Variants in ZNF385D observed in about 807,000 individuals in gnomAD.
ZNF385D encodes zinc finger protein 385D.
A neutral mutation model predicts 35.8 loss-of-function variants in ZNF385D; 15 were observed. The ratio of observed to expected loss-of-function variants is 0.42; its 90% CI spans 0.28 to 0.64. ZNF385D has a LOEUF of 0.64. Among genes scored for constraint, ZNF385D ranks in the 30% least tolerant of loss-of-function variants. The pLI is 0.23. For synonymous variants in ZNF385D, 212 were observed against 186.8 expected, an observed-to-expected ratio of 1.13 and a Z score of -1.10; for missense variants, 474 against 494.6, an observed-to-expected ratio of 0.96 and a Z score of 0.39.
intron 3 of ZNF385D, among the ~76,000 whole-genome samples, chr3:21,894,371 T>C (rs1051507056): frequency 1.3e-5 from 2 of 152,172 alleles, no homozygotes; most frequent in Non-Finnish European, 2.9e-5. Flanking sequence ...AAATATTATA[T>C]TGGCATAAAT....
At chr3:21,930,091 A>G (rs1369035566) in intron 3 of ZNF385D, among the ~76,000 whole-genome samples, 1 of 152,082 alleles carries the variant, frequency 6.6e-6, no homozygotes, top group African/African-American at 2.4e-5. Context: ...ATATAAGGGC[A>G]TATGTGCAGA....
Position 21,956,664 on chromosome 3 carries a change from G to A in ZNF385D, c.325+212153C>T, listed in dbSNP as rs369259377. 1.8e-3 allele frequency among the ~76,000 whole-genome samples: 276 copies of A among 151,800 alleles called. 1 individual carries two copies. The highest frequency in any genetic ancestry group is 0.01 in the Middle Eastern group (3 of 294). On this transcript the variant is annotated intron_variant, in intron 3 of 5. Coordinates refer to the ZNF385D transcript ENST00000494108. The stretch of plus-strand genomic sequence containing the variant: ...CTGCCTTTAGGAACACTTATGCAAT[G>A]GTAAAAAGTGATAAATGATTTTCGT...
intron 3 of ZNF385D, among the ~76,000 whole-genome samples, chr3:22,162,254 CTTTGGCATAT>C (rs1221673735): frequency 3.9e-5 from 6 of 152,104 alleles, no homozygotes; most frequent in Admixed American, 6.6e-5. Context: ...AAATATATTT[CTTTGGCATAT>C]TTTAAGATGC....
At chr3:21,811,776 C>G (rs2072930750) in intron 3 of ZNF385D, among the ~76,000 whole-genome samples, 1 of 152,118 alleles carries the variant, frequency 6.6e-6, no homozygotes, top group East Asian at 1.9e-4. Context: ...AGGAGAACAG[C>G]ACCATTTTGC....
At chr3:21,913,583 T>C (rs1349340716) in intron 3 of ZNF385D, among the ~76,000 whole-genome samples, 1 of 152,112 alleles carries the variant, frequency 6.6e-6, no homozygotes, top group Non-Finnish European at 1.5e-5. Context: ...ATTTTGTTTA[T>C]CTCTGGGAAG....
chr3:21,564,542 T>C lies in ZNF385D; in HGVS notation c.276+32A>G, dbSNP rs752748813. On this transcript the variant is annotated intron_variant, in intron 3 of 7. Transcript: ENST00000281523. ...ATTAGAACAGCAAAATGTATTTTTT[T>C]TTTTTAAGTGAACACTAAATGATAA... The C allele has an allele frequency of 5.5e-5, 75 of 1,367,034 alleles. No individual in the cohort carries two copies. The East Asian group carries it at 1.7e-3, about 32-fold the overall frequency. 84.7% of individuals were successfully genotyped at this position (1,367,034 alleles called of 1,614,324 possible). A position where few individuals can be genotyped will look rare whatever the true frequency, so the allele number is the denominator to read the frequency against.
At chr3:22,022,782 T>A (rs1006085281) in intron 3 of ZNF385D, among the ~76,000 whole-genome samples, 1 of 152,124 alleles carries the variant, frequency 6.6e-6, no homozygotes, top group Non-Finnish European at 1.5e-5. Flanking sequence ...TTTAAAAATA[T>A]ATGGAGAAAT....
intron 3 of ZNF385D, among the ~76,000 whole-genome samples, chr3:21,967,236 A>G (rs900714027): frequency 6.6e-6 from 1 of 152,134 alleles, no homozygotes; most frequent in African/African-American, 2.4e-5. Context: ...CTGGGGAAGT[A>G]AATAATTTCT....
At chr3:22,248,763 T>TCGCCTTTG (rs1037115455) in intron 2 of ZNF385D, among the ~76,000 whole-genome samples, 1 of 152,154 alleles carries the variant, frequency 6.6e-6, no homozygotes, top group Non-Finnish European at 1.5e-5. Flanking sequence ...TCCATCTGTG[T>TCGCCTTTG]CGCCTTTGTG....
At chr3:22,005,653 C>A (rs563557336) in intron 3 of ZNF385D, among the ~76,000 whole-genome samples, 1 of 152,040 alleles carries the variant, frequency 6.6e-6, no homozygotes, top group African/African-American at 2.4e-5. Flanking sequence ...AATATTCACA[C>A]CTCATTATAT....
chr3:21,999,707 G>A (rs1017158945), intron 3 of ZNF385D, among the ~76,000 whole-genome samples: 1 of 150,638 alleles, frequency 6.6e-6, no homozygotes, highest in Non-Finnish European at 1.5e-5. Context: ...TTCAAAAATA[G>A]ACTAGATTAA....
chr3:22,018,210 A>G (rs1218849398), intron 3 of ZNF385D, among the ~76,000 whole-genome samples: 3 of 151,660 alleles, frequency 2.0e-5, no homozygotes, highest in East Asian at 1.9e-4. Flanking sequence ...CTAGTTAGAA[A>G]TAAATATGAC....
intron 3 of ZNF385D, among the ~76,000 whole-genome samples, chr3:21,551,836 G>A (rs560492941): frequency 9.2e-5 from 14 of 151,654 alleles, no homozygotes; most frequent in Non-Finnish European, 1.8e-4. Context: ...TTATCTGCAG[G>A]GCCAAAAATA....
chr3:22,011,264 T>C (rs1054663845), intron 3 of ZNF385D, among the ~76,000 whole-genome samples: 1 of 152,186 alleles, frequency 6.6e-6, no homozygotes, highest in Non-Finnish European at 1.5e-5. Flanking sequence ...GATAGATGGT[T>C]ATTTTAAAAT....
intron 3 of ZNF385D, among the ~76,000 whole-genome samples, chr3:21,827,897 A>G (rs1694747482): frequency 6.6e-6 from 1 of 152,150 alleles, no homozygotes; most frequent in African/African-American, 2.4e-5. Flanking sequence ...ATATTCAAAG[A>G]GTGTTGGTAG....
At chr3:21,542,358 T>C (rs1228386709) in intron 3 of ZNF385D, among the ~76,000 whole-genome samples, 2 of 150,948 alleles carry the variant, frequency 1.3e-5, no homozygotes, top group African/African-American at 4.9e-5. Flanking sequence ...TTTTTTTTTT[T>C]CCCAGAGATG....
chr3:22,036,727 T>TA lies in ZNF385D; in HGVS notation c.325+132089dup, dbSNP rs1553594517. 6.3e-3 allele frequency among the ~76,000 whole-genome samples: 945 copies of TA among 149,116 alleles called. 6 individuals are homozygous for TA. Among genetic ancestry groups the TA allele is most frequent in the African/African-American group, 0.022 (886 of 40,158 alleles). Reference sequence around the variant, plus strand: ...CTACTAGGTTTTTTTTTTTTTTTTTTATACTCTAAGTTTTAGGGTACATGT... The same window carrying TA: ...CTACTAGGTTTTTTTTTTTTTTTTTTAATACTCTAAGTTTTAGGGTACATGT... On this transcript the variant is annotated intron_variant, in intron 3 of 5. Coordinates refer to the ZNF385D transcript ENST00000494108.
chr3:21,545,583 A>G (rs1310977564), intron 3 of ZNF385D, among the ~76,000 whole-genome samples: 1 of 152,222 alleles, frequency 6.6e-6, no homozygotes, highest in Admixed American at 6.5e-5. Context: ...TTCTTATGGC[A>G]ATATAGTTGT....
rs867220180 is a variant in ZNF385D at position 22,106,220 on chromosome 3, A to T, written c.325+62597T>A. Among the ~76,000 whole-genome samples the T allele has an allele frequency of 2.6e-5, 4 of 152,152 alleles. No individual in the cohort carries two copies. The South Asian group carries it at 8.3e-4, about 32-fold the overall frequency. ...CTGCCATAAATATTAGGTTGTAAGG[A>T]AACTGGTCATCGACATAATCAGGTT... On this transcript the variant is annotated intron_variant, in intron 3 of 5. Transcript: ENST00000494108.
Sources: allele counts gnomAD v4.1 joint callset (sites outside exome capture counted in the v4.1 genomes callset), GRCh38; gene constraint gnomAD v4.1.1; transcripts MANE v1.5; gene names NCBI Gene and HGNC (gene_info 2026-07-23, HGNC 2026-07-21).